The following HOXB3 variants were observed in gnomAD, a reference collection of about 807,000 sequenced individuals.
HOXB3 encodes homeobox protein Hox-B3.
HOXB3 carries 17 observed loss-of-function variants against 29.2 expected under a neutral mutation model. The observed-to-expected ratio is 0.58, with a 90% CI of 0.40 to 0.87. The LOEUF (loss-of-function observed/expected upper bound fraction) is 0.87, where lower values mean the gene tolerates loss of function less well. Among genes scored for constraint, HOXB3 ranks in the 40% least tolerant of loss-of-function variants. The pLI is 0.00. For synonymous variants in HOXB3, 317 were observed against 285.9 expected (o/e 1.11, Z -1.10); for missense variants, 637 against 616.3 (o/e 1.03, Z -0.35).
chr17:48,568,509 G>A (rs1017681193), intron 2 of HOXB3, among the ~76,000 whole-genome samples: 6 of 152,138 alleles, frequency 3.9e-5, no homozygotes, highest in African/African-American at 9.7e-5. Context: ...AAGTGCCTCC[G>A]AGAGCGACTC....
chr17:48,563,353 T>C (rs2069265913), intron 2 of HOXB3, among the ~76,000 whole-genome samples: 1 of 152,166 alleles, frequency 6.6e-6, no homozygotes, highest in Non-Finnish European at 1.5e-5. Flanking sequence ...CCAGAGAACA[T>C]GGGGTCTCTC....
At chr17:48,564,861 G>C (rs1033387507) in intron 2 of HOXB3, among the ~76,000 whole-genome samples, 4 of 152,194 alleles carry the variant, frequency 2.6e-5, no homozygotes, top group African/African-American at 9.7e-5. Flanking sequence ...AGGATCAGAC[G>C]GGCGAGAAAG....
chr17:48,550,643 A>G lies in HOXB3; in HGVS notation c.987T>C (p.Tyr329=), dbSNP rs1260739297. The change falls in exon 5 of 5, where the codon TAT becomes TAC. Residue 329 remains tyrosine (Y), a synonymous_variant. Coordinates refer to ENST00000498678, the MANE Select transcript of HOXB3 (RefSeq NM_001384749.1). ...CGTTGGCTTGGAGGACGTGCGGCTC[A>G]TACTCGGGCGCCGGGGTCGGAGGGT... ...QKYPPTPAPE[Y]EPHVLQANGG... The G allele has an allele frequency of 1.3e-6, 2 of 1,525,412 alleles. No individual in the cohort carries two copies. Among genetic ancestry groups the G allele is most frequent in the East Asian group, 2.3e-5 (1 of 44,148 alleles). The allele number at this position is 1,525,412 out of a possible 1,614,324, so 94.5% of individuals were successfully genotyped here.
At chr17:48,576,821 T>C in intron 1 of HOXB3, 2 of 1,614,216 alleles carry the variant, frequency 1.2e-6, no homozygotes, top group South Asian at 2.2e-5. Flanking sequence ...ACTTGTGGTC[T>C]TTTTTCCACT....
At chr17:48,555,341 A>AGAGAGGGAGAGAGAGAGG in intron 3 of HOXB3, 190 bp downstream of exon 3, 2 of 438,168 alleles carry the variant, frequency 4.6e-6, no homozygotes, top group Non-Finnish European at 8.0e-6. Context: ...AGAGGGAGAG[A>AGAGAGGGAGAGAGAGAGG]GAGAGAGAGA....
chr17:48,562,106 G>T (rs998046803), intron 2 of HOXB3, among the ~76,000 whole-genome samples: 1 of 152,102 alleles, frequency 6.6e-6, no homozygotes, highest in African/African-American at 2.4e-5. Context: ...CTGCTCTTCT[G>T]TGTGTAGGGT....
At chr17:48,586,045 A>AG (rs1172496934) in intron 1 of HOXB3, among the ~76,000 whole-genome samples, 13 of 152,340 alleles carry the variant, frequency 8.5e-5, no homozygotes, top group African/African-American at 3.1e-4. Flanking sequence ...TGTGCTCCGA[A>AG]GCCGCAAGGC....
chr17:48,577,048 G>C, intron 1 of HOXB3: 1 of 1,538,378 alleles, frequency 6.5e-7, no homozygotes, highest in Non-Finnish European at 8.7e-7. Context: ...GAGGGAGAAA[G>C]AGAAAGTTTT....
chr17:48,558,481 A>G (rs2069078465), intron 2 of HOXB3, among the ~76,000 whole-genome samples: 1 of 152,196 alleles, frequency 6.6e-6, no homozygotes, highest in African/African-American at 2.4e-5. Context: ...TCTGGAGTAC[A>G]GAGCCCATTT....
chr17:48,551,105 G>A lies in HOXB3; in HGVS notation c.525C>T (p.Gly175=), dbSNP rs761088608. Residue 175 remains glycine, a synonymous_variant, in exon 5 of 5, where the codon GGC becomes GGT. Coordinates refer to ENST00000498678, the MANE Select transcript of HOXB3 (RefSeq NM_001384749.1). ...CCGGGGGGCTCTTGTCCCCTCCCCC[G>A]CCGCCGCCGCCACCGCCCCCGCTGC... The part of the protein sequence containing the change: ...SGGSGGGGGG[G]GGGDKSPPGS... 6 of 1,335,192 alleles carry A rather than the reference G, an allele frequency of 4.5e-6. No homozygotes were observed. Among genetic ancestry groups the A allele is most frequent in the Admixed American group, 3.0e-5 (1 of 33,030 alleles). The allele number at this position is 1,335,192 out of a possible 1,614,324, so 82.7% of individuals were successfully genotyped here. A position where few individuals can be genotyped will look rare whatever the true frequency, so the allele number is the denominator to read the frequency against.
rs1321369600 is a variant in HOXB3 at position 48,549,696 on chromosome 17, C to T, written c.*638G>A. The T allele has an allele frequency of 1.3e-5, 2 of 152,612 alleles. No homozygotes were observed. The highest frequency in any genetic ancestry group is 4.8e-5 in the African/African-American group (2 of 41,342). 9.5% of individuals were successfully genotyped at this position (152,612 alleles called of 1,614,324 possible). On this transcript the variant is annotated 3_prime_UTR_variant, in exon 5 of 5. Coordinates refer to ENST00000498678, the MANE Select transcript of HOXB3 (RefSeq NM_001384749.1). ...AGCTCTTTCAGGATCTCTCACCATC[C>T]CTGAGCCCTCTAAAAACTGTAATTG...
At chr17:48,576,683 C>G in intron 1 of HOXB3, 1 of 1,517,888 alleles carries the variant, frequency 6.6e-7, no homozygotes, top group South Asian at 1.3e-5. Context: ...TCACTGCCCA[C>G]CCCCACCCCG....
Position 48,550,785 on chromosome 17 carries a change from A to G in HOXB3, c.845T>C (p.Met282Thr). 2 of 1,610,766 alleles carry G rather than the reference A, an allele frequency of 1.2e-6. No individual in the cohort carries two copies. Among genetic ancestry groups the G allele is most frequent in the Non-Finnish European group, 1.7e-6 (2 of 1,177,740 alleles). The change falls in exon 5 of 5, where the codon ATG becomes ACG. Residue 282 changes from methionine (M) to threonine (T), a missense_variant. Coordinates refer to ENST00000498678, the MANE Select transcript of HOXB3 (RefSeq NM_001384749.1). ...GGACGGGCTCTCGTAGCTGGGGGTCATGGAGTGTAAGGCGTTCATGAAGCC... is the reference window on the plus strand; with the variant it reads ...GGACGGGCTCTCGTAGCTGGGGGTCGTGGAGTGTAAGGCGTTCATGAAGCC... The part of the protein sequence containing the change: ...TAGFMNALHS[M>T]TPSYESPSPP...
chr17:48,584,924 C>T (rs1174621524), intron 1 of HOXB3, among the ~76,000 whole-genome samples: 18 of 149,618 alleles, frequency 1.2e-4, no homozygotes, highest in Non-Finnish European at 2.5e-4. Flanking sequence ...CCCCACCGCC[C>T]CACCCCGCCC....
intron 1 of HOXB3, chr17:48,576,585 G>C (rs1567963025): frequency 1.4e-6 from 1 of 695,948 alleles, no homozygotes; most frequent in Non-Finnish European, 2.3e-6. Flanking sequence ...GCGTTTATTC[G>C]TATATAAAGT....
At chr17:48,573,030 C>T (rs1226013921) in intron 2 of HOXB3, among the ~76,000 whole-genome samples, 6 of 152,200 alleles carry the variant, frequency 3.9e-5, no homozygotes, top group South Asian at 2.1e-4. Flanking sequence ...AGGGCCAACA[C>T]ATTCAGGTCG....
intron 1 of HOXB3, among the ~76,000 whole-genome samples, chr17:48,588,949 C>CT (rs2070096270): frequency 2.0e-5 from 3 of 152,318 alleles, no homozygotes; most frequent in African/African-American, 7.2e-5. Context: ...ATCCCAGAAA[C>CT]TACCTATGGC....
intron 2 of HOXB3, among the ~76,000 whole-genome samples, chr17:48,565,914 CTTG>C (rs1170281911): frequency 1.3e-5 from 2 of 152,328 alleles, no homozygotes; most frequent in South Asian, 2.1e-4. Context: ...GATCCTGCTG[CTTG>C]TTCTCTCTCT....
At chr17:48,589,941 C>A (rs2070118004) in intron 1 of HOXB3, among the ~76,000 whole-genome samples, 184 bp downstream of exon 1, 1 of 152,114 alleles carries the variant, frequency 6.6e-6, no homozygotes, top group Admixed American at 6.5e-5. Context: ...GCACCCCCGA[C>A]CGATGAGGCC....
Sources: gnomAD v4.1 joint callset for allele counts (sites outside exome capture counted in the v4.1 genomes callset) on GRCh38, gnomAD v4.1.1 for gene constraint, MANE v1.5 for transcripts, NCBI Gene and HGNC (gene_info 2026-07-23, HGNC 2026-07-21) for gene names.